The following CADM2 variants were observed in gnomAD, a reference collection of about 807,000 sequenced individuals.
CADM2 encodes the protein immunoglobulin superfamily member 4D.
CADM2 carries 12 observed loss-of-function variants against 49.8 expected under a neutral mutation model. That is an observed-to-expected ratio of 0.24 (90% CI 0.15 to 0.39). The LOEUF is 0.39. Ranked by LOEUF, CADM2 falls within the 10% of genes least tolerant of loss-of-function variation. The probability of loss-of-function intolerance (pLI) is 1.00; values close to 1 mark genes in which losing one functional copy is unlikely to be tolerated. For missense variants in CADM2, 378 were observed against 492.3 expected (o/e 0.77, Z 2.20); for synonymous variants, 214 against 175.4 (o/e 1.22, Z -1.74).
intron 1 of CADM2, among the ~76,000 whole-genome samples, chr3:85,521,498 G>T (rs1029688610): frequency 6.6e-6 from 1 of 152,118 alleles, no homozygotes; most frequent in Non-Finnish European, 1.5e-5. Flanking sequence ...CACTGTTTAG[G>T]ATTTGTTTGC....
At chr3:85,272,867 C>T (rs2043272785) in intron 1 of CADM2, among the ~76,000 whole-genome samples, 1 of 151,238 alleles carries the variant, frequency 6.6e-6, no homozygotes, top group African/African-American at 2.4e-5. Context: ...CCTGCTTCAC[C>T]TTTCATTGCA....
chr3:85,549,274 T>C (rs12714629), intron 1 of CADM2, among the ~76,000 whole-genome samples: 25,647 of 152,156 alleles, frequency 0.17, 2,681 homozygotes, highest in Non-Finnish European at 0.23. Context: ...AAAGTCATAA[T>C]GAATATAAAC....
chr3:85,806,434 G>A (rs1577354250), intron 3 of CADM2, among the ~76,000 whole-genome samples: 2 of 152,108 alleles, frequency 1.3e-5, no homozygotes. Context: ...GGCTATGAAC[G>A]AGAAATTCAG....
At chr3:85,979,311 G>T in intron 8 of CADM2, 1 of 1,602,922 alleles carries the variant, frequency 6.2e-7, no homozygotes, top group Non-Finnish European at 8.5e-7. Context: ...GTTATAGCCT[G>T]GAAAGCACAT....
Position 85,690,601 on chromosome 3 carries a change from G to A in CADM2, c.62-35921G>A, listed in dbSNP as rs150875923. On this transcript the variant is annotated intron_variant, in intron 1 of 9. Transcript: ENST00000383699. ...ATATCCTGGCTGATGAGGAGAATTTGGAGTATAACAGCCACTATTGCTAGC... is the reference window on the plus strand; with the variant it reads ...ATATCCTGGCTGATGAGGAGAATTTAGAGTATAACAGCCACTATTGCTAGC... Among the ~76,000 whole-genome samples, 900 of 152,172 alleles carry A rather than the reference G, an allele frequency of 5.9e-3. 12 individuals carry two copies. Among genetic ancestry groups the A allele is most frequent in the African/African-American group, 0.021 (864 of 41,504 alleles).
chr3:85,266,671 G>A (rs2043127370), intron 1 of CADM2, among the ~76,000 whole-genome samples: 1 of 151,726 alleles, frequency 6.6e-6, no homozygotes, highest in Admixed American at 6.6e-5. Context: ...TTATTAAGTA[G>A]AAATATAGGA....
intron 1 of CADM2, among the ~76,000 whole-genome samples, chr3:85,275,156 T>A (rs1036285185): frequency 1.3e-5 from 2 of 151,548 alleles, no homozygotes; most frequent in Non-Finnish European, 3.0e-5. Flanking sequence ...ACTTGAGTAT[T>A]CTCACTTAAG....
Position 85,076,477 on chromosome 3 carries a change from A to G in CADM2, c.61+116809A>G, listed in dbSNP as rs1174187296. On this transcript the variant is annotated intron_variant, in intron 1 of 9. Coordinates refer to ENST00000383699, the MANE Select transcript of CADM2 (RefSeq NM_001167675.2). ...ATTCTCCTACCTCAGCCTCCTGAGT[A>G]GCTGGGATTACAGGTGCGTGCCACC... Among the ~76,000 whole-genome samples, 3 of 151,980 alleles carry G rather than the reference A, an allele frequency of 2.0e-5. No individual in the cohort carries two copies. In the East Asian group the frequency reaches 5.9e-4, roughly 30 times the overall value.
At chr3:85,400,273 C>A (rs955320341) in intron 1 of CADM2, among the ~76,000 whole-genome samples, 8 of 152,224 alleles carry the variant, frequency 5.3e-5, no homozygotes, top group Admixed American at 3.3e-4. Flanking sequence ...ATATGTTGAA[C>A]CAGCCTTGCA....
chr3:85,239,535 A>G (rs973945347), intron 1 of CADM2, among the ~76,000 whole-genome samples: 1 of 151,680 alleles, frequency 6.6e-6, no homozygotes. Flanking sequence ...AACGAATTTA[A>G]TACTAAATCT....
At chr3:84,975,989 T>G (rs1429626040) in intron 1 of CADM2, among the ~76,000 whole-genome samples, 1 of 151,878 alleles carries the variant, frequency 6.6e-6, no homozygotes. Flanking sequence ...TCATTTTCTA[T>G]TGAATGAAAG....
intron 1 of CADM2, among the ~76,000 whole-genome samples, chr3:85,646,316 A>C (rs1336790636): frequency 6.6e-6 from 1 of 151,964 alleles, no homozygotes; most frequent in Non-Finnish European, 1.5e-5. Context: ...ATGTTCTATG[A>C]TTTATTCAAA....
intron 1 of CADM2, among the ~76,000 whole-genome samples, chr3:85,142,375 G>C (rs114267845): frequency 0.016 from 2,425 of 152,178 alleles, 31 homozygotes; most frequent in Non-Finnish European, 0.026. Flanking sequence ...TTTTAAAAAT[G>C]TTCAGATTGC....
At chr3:85,386,799 G>A (rs575633615) in intron 1 of CADM2, among the ~76,000 whole-genome samples, 2 of 152,228 alleles carry the variant, frequency 1.3e-5, no homozygotes, top group Admixed American at 6.5e-5. Flanking sequence ...CACACTTGAG[G>A]GAGAAAATCT....
At chr3:85,469,807 A>T (rs183450448) in intron 1 of CADM2, among the ~76,000 whole-genome samples, 255 of 152,322 alleles carry the variant, frequency 1.7e-3, no homozygotes, top group African/African-American at 4.6e-3. Flanking sequence ...CAGTCAGTTT[A>T]TTCACAAAAG....
At chr3:84,995,739 T>C (rs1174927123) in intron 1 of CADM2, among the ~76,000 whole-genome samples, 7 of 152,220 alleles carry the variant, frequency 4.6e-5, no homozygotes, top group Non-Finnish European at 1.0e-4. Flanking sequence ...CCATGATTGC[T>C]AACAGTATTT....
chr3:85,762,681 G>C (rs1033909460), intron 2 of CADM2, among the ~76,000 whole-genome samples: 1 of 149,508 alleles, frequency 6.7e-6, no homozygotes, highest in Non-Finnish European at 1.5e-5. Context: ...TTACCATAAA[G>C]GCATAAATAA....
intron 1 of CADM2, among the ~76,000 whole-genome samples, chr3:85,380,074 C>T (rs995291155): frequency 6.6e-6 from 1 of 152,002 alleles, no homozygotes; most frequent in Non-Finnish European, 1.5e-5. Flanking sequence ...GTTGAAATTT[C>T]TTCCCCGTAC....
chr3:85,250,684 T>A (rs1030958438), intron 1 of CADM2, among the ~76,000 whole-genome samples: 3 of 151,676 alleles, frequency 2.0e-5, no homozygotes, highest in African/African-American at 7.2e-5. Context: ...GTAAGTTAAA[T>A]ACAAATGATA....
Sources: allele counts gnomAD v4.1 joint callset (sites outside exome capture counted in the v4.1 genomes callset), GRCh38; gene constraint gnomAD v4.1.1; transcripts MANE v1.5; gene names NCBI Gene and HGNC (gene_info 2026-07-23, HGNC 2026-07-21).